YIF1B: variants seen among roughly 807,000 people sequenced by gnomAD.
YIF1B encodes Yip1 interacting factor homolog B, membrane trafficking protein, also known as protein YIF1B.
A neutral mutation model predicts 34.6 loss-of-function variants in YIF1B; 24 were observed. The ratio of observed to expected loss-of-function variants is 0.69; its 90% CI spans 0.50 to 0.98. The LOEUF is 0.98. Among genes scored for constraint, YIF1B ranks in the 50% least tolerant of loss-of-function variants. The probability of loss-of-function intolerance (pLI) is 0.00; values close to 1 mark genes in which losing one functional copy is unlikely to be tolerated. For synonymous variants in YIF1B, 186 were observed against 184.8 expected, an observed-to-expected ratio of 1.01 and a Z score of -0.05; for missense variants, 368 against 429.4, an observed-to-expected ratio of 0.86 and a Z score of 1.26.
intron 1 of YIF1B, among the ~76,000 whole-genome samples, chr19:38,312,286 G>A (rs893599023): frequency 2.6e-5 from 4 of 151,966 alleles, no homozygotes; most frequent in African/African-American, 7.3e-5. Context: ...GCATGGTGGC[G>A]TGCACCTGTA....
chr19:38,314,026 CTCTT>C (rs1205283061), intron 1 of YIF1B, among the ~76,000 whole-genome samples: 2 of 152,088 alleles, frequency 1.3e-5, no homozygotes, highest in African/African-American at 4.8e-5. Flanking sequence ...CCTTCTCTCT[CTCTT>C]TTTTTTCTTT....
At chr19:38,306,204 CAAAAAAAAAAAAAAAA>C (rs1174694534) in intron 7 of YIF1B, among the ~76,000 whole-genome samples, 2 of 28,682 alleles carry the variant, frequency 7.0e-5, no homozygotes, top group African/African-American at 2.9e-4. Flanking sequence ...CTCTGTCTCA[CAAAAAAAAAAAAAAAA>C]AAAAAAAAAA....
At position 38,304,574 on chromosome 19, in the gene YIF1B, T is replaced by G. The variant is rs781061484; in HGVS notation, c.*778A>C. 3.1e-6 allele frequency: 5 copies of G among 1,610,150 alleles called. No individual in the cohort carries two copies. The highest frequency in any genetic ancestry group is 2.2e-5 in the South Asian group (2 of 90,762). On this transcript the variant is annotated 3_prime_UTR_variant, in exon 8 of 8. Coordinates refer to ENST00000339413, the MANE Select transcript of YIF1B (RefSeq NM_001039672.3). ...CAGGGTCCTGCCTTAGGCCTCCAAC[T>G]TCAGGGGGCTGGGTAAGGGGCGCCG...
At chr19:38,306,723 C>G in intron 7 of YIF1B, 1 of 239,700 alleles carries the variant, frequency 4.2e-6, no homozygotes, top group South Asian at 4.1e-5. Flanking sequence ...GCTCTGTCAC[C>G]CAGGCTGGAG....
chr19:38,309,494 C>A lies in YIF1B; in HGVS notation c.208G>T (p.Ala70Ser). ...GACACCGGGTCAGCCAGGAAGGCTG[C>A]ATGGGGCGTGGGAGAGGCTGCAGGA... Reference protein sequence around the residue: ...SYPAASPTPHAAFLADPVSNM... With the variant: ...SYPAASPTPHSAFLADPVSNM... Residue 70 changes from alanine (A) to serine (S), a missense_variant, in exon 2 of 8, where the codon GCA (alanine) becomes TCA (serine). Coordinates refer to ENST00000339413, the MANE Select transcript of YIF1B (RefSeq NM_001039672.3). 6.2e-7 allele frequency: 1 copy of A among 1,613,520 alleles called. No individual in the cohort carries two copies.
In YIF1B at chr19:38,304,318, G is replaced by A; in HGVS notation, c.*1034C>T. On this transcript the variant is annotated 3_prime_UTR_variant, in exon 8 of 8. Coordinates refer to ENST00000339413, the MANE Select transcript of YIF1B (RefSeq NM_001039672.3). ...TGGGGAGTGTGGACTGGAGGTGCAGGGGGCCGGACTCAAGCCCAGAAGCTG... is the reference window on the plus strand; with the variant it reads ...TGGGGAGTGTGGACTGGAGGTGCAGAGGGCCGGACTCAAGCCCAGAAGCTG... 2 of 1,613,400 alleles carry A rather than the reference G, an allele frequency of 1.2e-6. No homozygotes were observed. The highest frequency in any genetic ancestry group is 1.3e-5 in the African/African-American group (1 of 75,050).
chr19:38,309,917 C>T, intron 1 of YIF1B: 1 of 1,122,322 alleles, frequency 8.9e-7, no homozygotes, highest in East Asian at 3.0e-5. Flanking sequence ...TCTACCCACC[C>T]TCCCACTCAC....
upstream of YIF1B, among the ~76,000 whole-genome samples, chr19:38,319,220 C>T (rs1466853811): frequency 6.6e-6 from 1 of 152,086 alleles, no homozygotes; most frequent in Non-Finnish European, 1.5e-5. Context: ...CCTCAGCCTC[C>T]CGAGTAGCTG....
At chr19:38,312,219 A>G (rs35077481) in intron 1 of YIF1B, among the ~76,000 whole-genome samples, 9,145 of 152,140 alleles carry the variant, frequency 0.06, 322 homozygotes, top group African/African-American at 0.084. Context: ...AACTCAGTTC[A>G]AGACCAGCCT....
rs1177077637 is a variant in YIF1B, at chr19:38,315,908, C to T, written c.10G>A (p.Ala4Thr). Residue 4 changes from alanine (A) to threonine (T), a missense_variant, in exon 1 of 8, where the codon GCA (alanine) becomes ACA (threonine). Physicochemically the swap from Ala to Thr is moderately conservative, Grantham distance 58. Coordinates refer to ENST00000339413, the MANE Select transcript of YIF1B (RefSeq NM_001039672.3). MHPAGLAAAAAGTP... is the reference protein window; with the variant it reads MHPTGLAAAAAGTP... ...CCCGCAGCCGCCGCCGCCAAGCCTG[C>T]CGGGTGCATCCTTCGCCGCCGCCAC... 1 of 1,473,420 alleles carries T rather than the reference C, an allele frequency of 6.8e-7. No homozygotes were observed. The highest frequency in any genetic ancestry group is 8.9e-7 in the Non-Finnish European group (1 of 1,120,676). 91.3% of individuals were successfully genotyped at this position (1,473,420 alleles called of 1,614,324 possible). A position where few individuals can be genotyped will look rare whatever the true frequency, so the allele number is the denominator to read the frequency against.
chr19:38,320,121 CG>C (rs1568364127), upstream of YIF1B: 1 of 1,582,350 alleles, frequency 6.3e-7, no homozygotes, highest in East Asian at 2.3e-5. Flanking sequence ...TGGCTGCCCC[CG>C]CCCTGGACGC....
At chr19:38,309,152 C>T in intron 3 of YIF1B, 72 bp downstream of exon 3, 4 of 1,585,696 alleles carry the variant, frequency 2.5e-6, no homozygotes, top group Non-Finnish European at 3.4e-6. Flanking sequence ...CCCGGCTCCA[C>T]CATGCACCTG....
rs138330849 is a variant in YIF1B at position 38,311,413 on chromosome 19, G to A, written c.59-1770C>T. On this transcript the variant is annotated intron_variant, in intron 1 of 7. Coordinates refer to ENST00000339413, the MANE Select transcript of YIF1B (RefSeq NM_001039672.3). ...CCAAACTGAGTGAGTGGCAGAGCAGGAGTCCAGCCCTGCTGTGCCTGATAA... is the reference window on the plus strand; with the variant it reads ...CCAAACTGAGTGAGTGGCAGAGCAGAAGTCCAGCCCTGCTGTGCCTGATAA... 1.6e-4 allele frequency among the ~76,000 whole-genome samples: 25 copies of A among 152,324 alleles called. No individual in the cohort carries two copies. The East Asian group carries it at 4.0e-3, about 25-fold the overall frequency.
At position 38,304,738 on chromosome 19, in the gene YIF1B, G is replaced by A. The variant is rs779730721; in HGVS notation, c.*614C>T. ...AGCACGTGCCCTGCACCCCAGAGAG[G>A]CGTCCCCGCACTGGGGCTGGCGGGG... On this transcript the variant is annotated 3_prime_UTR_variant, in exon 8 of 8. Coordinates refer to ENST00000339413, the MANE Select transcript of YIF1B (RefSeq NM_001039672.3). 2.5e-6 allele frequency: 4 copies of A among 1,612,718 alleles called. No individual in the cohort carries two copies. In the Admixed American group the frequency reaches 5.0e-5, roughly 20 times the overall value.
rs899918070 is a variant in YIF1B at position 38,304,007 on chromosome 19, A to C, written c.*1345T>G. ...ACCTGTAGCTCCCCGAATGCCATCC[A>C]CAGAGCCCCCCTCAGTCGGCCTCCC... is the stretch of plus-strand genomic sequence containing the variant. On this transcript the variant is annotated 3_prime_UTR_variant, in exon 8 of 8. Transcript: ENST00000339413. Among the ~76,000 whole-genome samples, 1 of 152,168 alleles carries C rather than the reference A, an allele frequency of 6.6e-6. No homozygotes were observed. Among genetic ancestry groups the C allele is most frequent in the East Asian group, 1.9e-4 (1 of 5,190 alleles).
chr19:38,308,961 G>A lies in YIF1B; in HGVS notation c.481+18C>T. On this transcript the variant is annotated intron_variant, in intron 4 of 7. Transcript: ENST00000339413. Reference sequence around the variant, plus strand: ...CCCGGAAGAGAGAGGAGGGTGCAGGGTAGGGGGAGGGTGAAACCTGGAATG... The same window carrying A: ...CCCGGAAGAGAGAGGAGGGTGCAGGATAGGGGGAGGGTGAAACCTGGAATG... 1.2e-6 allele frequency: 2 copies of A among 1,608,848 alleles called. No homozygotes were observed. Among genetic ancestry groups the A allele is most frequent in the Non-Finnish European group, 1.7e-6 (2 of 1,176,378 alleles).
At chr19:38,316,013 G>A (rs1969535855), upstream of YIF1B, 12 of 1,344,096 alleles carry the variant, frequency 8.9e-6, no homozygotes, top group East Asian at 2.2e-4. Context: ...TGGACGTCAG[G>A]ATTGAGGGAA....
chr19:38,319,753 G>A, upstream of YIF1B: 1 of 542,612 alleles, frequency 1.8e-6, no homozygotes, highest in Non-Finnish European at 3.0e-6. Flanking sequence ...AACACCTGGC[G>A]GTTGGGCGTG....
chr19:38,316,480 G>A (rs1246986393), upstream of YIF1B, among the ~76,000 whole-genome samples: 3 of 152,028 alleles, frequency 2.0e-5, no homozygotes, highest in South Asian at 2.1e-4. Flanking sequence ...GATCTCCATC[G>A]CTACAAAACA....
Sources: allele counts gnomAD v4.1 joint callset (sites outside exome capture counted in the v4.1 genomes callset), GRCh38; gene constraint gnomAD v4.1.1; transcripts MANE v1.5; gene names NCBI Gene and HGNC (gene_info 2026-07-23, HGNC 2026-07-21).